ZNF438: variants seen among roughly 807,000 people sequenced by gnomAD.
ZNF438 encodes the protein zinc finger protein 438.
In ZNF438, 25 loss-of-function variants were observed where a neutral mutation model predicts 38.0. That is an observed-to-expected ratio of 0.66 (90% CI 0.48 to 0.92). The LOEUF (loss-of-function observed/expected upper bound fraction) is 0.92. Among genes scored for constraint, ZNF438 ranks in the 40% least tolerant of loss-of-function variants. The pLI, the probability that ZNF438 is intolerant of heterozygous loss-of-function variation, is 0.00. For synonymous variants in ZNF438, 372 were observed against 364.1 expected (o/e 1.02, Z -0.25); for missense variants, 1,007 against 999.6 (o/e 1.01, Z -0.10).
intron 1 of ZNF438, among the ~76,000 whole-genome samples, chr10:31,027,057 A>G (rs1166067176): frequency 7.1e-6 from 1 of 140,258 alleles, no homozygotes; most frequent in African/African-American, 2.6e-5. Context: ...ACACTTGGAC[A>G]CAGGGTGGGG....
intron 1 of ZNF438, among the ~76,000 whole-genome samples, chr10:30,994,120 A>T (rs747501462): frequency 1.4e-4 from 22 of 152,236 alleles, no homozygotes; most frequent in Non-Finnish European, 3.1e-4. Context: ...AAATAACACC[A>T]TGTGTCTCAC....
chr10:30,901,921 G>GT (rs1423915203), intron 3 of ZNF438, among the ~76,000 whole-genome samples: 1 of 151,722 alleles, frequency 6.6e-6, no homozygotes, highest in Non-Finnish European at 1.5e-5. Context: ...GACTTTCGCT[G>GT]TGAGTGTTAC....
At chr10:30,892,858 A>C (rs1494116) in intron 3 of ZNF438, among the ~76,000 whole-genome samples, 65,136 of 152,080 alleles carry the variant, frequency 0.43, 14,435 homozygotes, top group Non-Finnish European at 0.47. Context: ...CAGCACTTAT[A>C]AAGCATCTTC....
chr10:31,025,495 G>A (rs751335534), intron 1 of ZNF438, among the ~76,000 whole-genome samples: 21 of 152,312 alleles, frequency 1.4e-4, no homozygotes, highest in South Asian at 6.2e-4. Flanking sequence ...ATTTCACACT[G>A]CTTGGTGGCT....
At chr10:30,941,965 C>T (rs971292765) in intron 1 of ZNF438, among the ~76,000 whole-genome samples, 1 of 152,142 alleles carries the variant, frequency 6.6e-6, no homozygotes, top group Non-Finnish European at 1.5e-5. Context: ...GGCATTTGTG[C>T]CCTACTCAGT....
chr10:30,943,962 C>A (rs998371592), intron 1 of ZNF438, among the ~76,000 whole-genome samples: 1 of 152,084 alleles, frequency 6.6e-6, no homozygotes, highest in Non-Finnish European at 1.5e-5. Context: ...GAGAGAAGAT[C>A]AAAGTTCTAA....
At chr10:30,985,543 G>T (rs1030841875) in intron 1 of ZNF438, among the ~76,000 whole-genome samples, 1 of 152,236 alleles carries the variant, frequency 6.6e-6, no homozygotes, top group Admixed American at 6.5e-5. Flanking sequence ...TCCAATAATG[G>T]TTTGATGATT....
intron 1 of ZNF438, among the ~76,000 whole-genome samples, chr10:30,978,722 G>A (rs1212375980): frequency 3.9e-5 from 6 of 152,164 alleles, no homozygotes; most frequent in South Asian, 2.1e-4. Flanking sequence ...AGCAGTAAAT[G>A]GAATCAGTTG....
intron 1 of ZNF438, among the ~76,000 whole-genome samples, chr10:30,989,549 G>C (rs940288561): frequency 1.3e-5 from 2 of 152,168 alleles, no homozygotes; most frequent in African/African-American, 4.8e-5. Flanking sequence ...TTCTAGCAGT[G>C]AGTGTGAGAC....
intron 3 of ZNF438, among the ~76,000 whole-genome samples, chr10:30,890,168 A>C (rs1423905126): frequency 6.6e-6 from 1 of 151,904 alleles, no homozygotes; most frequent in Non-Finnish European, 1.5e-5. Context: ...CAATTGTATG[A>C]TCTAATCATT....
intron 1 of ZNF438, among the ~76,000 whole-genome samples, chr10:30,945,561 C>G (rs1250838131): frequency 6.6e-6 from 1 of 150,844 alleles, no homozygotes; most frequent in Non-Finnish European, 1.5e-5. Context: ...TCTACCCCCA[C>G]CACACAACAG....
At chr10:30,982,068 T>C (rs2052228863) in intron 1 of ZNF438, among the ~76,000 whole-genome samples, 1 of 151,186 alleles carries the variant, frequency 6.6e-6, no homozygotes, top group Non-Finnish European at 1.5e-5. Flanking sequence ...TAATTTAAAC[T>C]TGGCCTGAGA....
intron 4 of ZNF438, among the ~76,000 whole-genome samples, chr10:30,852,589 G>C (rs747629180): frequency 6.6e-6 from 1 of 152,124 alleles, no homozygotes; most frequent in African/African-American, 2.4e-5. Flanking sequence ...AAATGACACC[G>C]CCTAAATAAA....
rs1278163907 is a variant in ZNF438 at position 30,924,265 on chromosome 10, GGCTTTAATCAGGT to G, written c.-114-15263_-114-15251del. 5.3e-5 allele frequency among the ~76,000 whole-genome samples: 8 copies of G among 152,298 alleles called. No individual in the cohort carries two copies. The East Asian group carries it at 1.5e-3, about 29-fold the overall frequency. ...GACGATGAATGTTGCCAAGGAAGAA[GGCTTTAATCAGGT>G]GCTGCAGCCGAGGAGATGGGAGCTC... On this transcript the variant is annotated intron_variant, in intron 2 of 5. Coordinates refer to ENST00000413025, the Ensembl canonical transcript of ZNF438.
At chr10:30,971,790 C>T (rs1425631113) in intron 1 of ZNF438, among the ~76,000 whole-genome samples, 3 of 151,886 alleles carry the variant, frequency 2.0e-5, no homozygotes, top group Admixed American at 6.6e-5. Flanking sequence ...CCTATGCCAC[C>T]CCCCAACAAT....
In ZNF438 at chr10:30,925,586, G is replaced by A. The variant is rs138793453; in HGVS notation, c.-115+15989C>T. Among the ~76,000 whole-genome samples, 24 of 152,266 alleles carry A rather than the reference G, an allele frequency of 1.6e-4. 1 individual carries two copies. In the East Asian group the frequency reaches 4.6e-3, roughly 29 times the overall value. ...CTTCACAGTGTGGGAGCTGTCACTG[G>A]GAAGTGGTTGCCCAGTCAAAATTTT... On this transcript the variant is annotated intron_variant, in intron 2 of 5. Coordinates refer to ENST00000413025, the Ensembl canonical transcript of ZNF438.
intron 1 of ZNF438, among the ~76,000 whole-genome samples, chr10:31,014,154 C>T (rs2055979463): frequency 6.6e-6 from 1 of 152,126 alleles, no homozygotes; most frequent in Non-Finnish European, 1.5e-5. Context: ...ATTTGCTATA[C>T]TGACTGTGTG....
At chr10:31,006,778 CG>C (rs71299751) in intron 1 of ZNF438, among the ~76,000 whole-genome samples, 19 of 68,614 alleles carry the variant, frequency 2.8e-4, no homozygotes, top group African/African-American at 1.0e-3. Flanking sequence ...TGGCGGGGGG[CG>C]GGGGGGGGAA....
At chr10:31,018,571 C>T (rs529160010) in intron 1 of ZNF438, among the ~76,000 whole-genome samples, 22 of 152,324 alleles carry the variant, frequency 1.4e-4, no homozygotes, top group African/African-American at 5.3e-4. Flanking sequence ...TTAACCAGTG[C>T]TATACATTTC....
Sources: gnomAD v4.1 joint callset for allele counts (sites outside exome capture counted in the v4.1 genomes callset) on GRCh38, gnomAD v4.1.1 for gene constraint, MANE v1.5 for transcripts, NCBI Gene and HGNC (gene_info 2026-07-23, HGNC 2026-07-21) for gene names.